Variants in LRIG1 observed in about 807,000 individuals in gnomAD.
LRIG1 encodes leucine rich repeats and immunoglobulin like domains 1.
LRIG1 carries 48 observed loss-of-function variants against 99.2 expected under a neutral mutation model. That is an observed-to-expected ratio of 0.48 (90% CI 0.38 to 0.62). LRIG1 has a LOEUF of 0.62. LRIG1 is among the 20% of genes least tolerant of loss of function. The probability of loss-of-function intolerance (pLI) is 0.00; values close to 1 mark genes in which losing one functional copy is unlikely to be tolerated. For synonymous variants in LRIG1, 772 were observed against 596.1 expected (o/e 1.29, Z -4.30); for missense variants, 1,646 against 1,434.4 (o/e 1.15, Z -2.38).
At chr3:66,429,853 C>T (rs1189198518) in intron 3 of LRIG1, among the ~76,000 whole-genome samples, 3 of 68,914 alleles carry the variant, frequency 4.4e-5, no homozygotes, top group Admixed American at 1.7e-4. Context: ...GGGAACTCTC[C>T]GTACTTTCCA....
intron 9 of LRIG1, among the ~76,000 whole-genome samples, chr3:66,403,153 C>T (rs1013760806): frequency 4.6e-5 from 7 of 152,126 alleles, no homozygotes; most frequent in Non-Finnish European, 5.9e-5. Flanking sequence ...CCAATCTCAC[C>T]TCATCTCTAC....
chr3:66,409,993 G>A (rs974893139), intron 7 of LRIG1, 136 bp downstream of exon 7: 19 of 878,208 alleles, frequency 2.2e-5, no homozygotes, highest in Non-Finnish European at 2.9e-5. Context: ...GGCCTGGCTG[G>A]TTTGGGAACA....
At chr3:66,434,902 C>T (rs1190015823) in intron 3 of LRIG1, among the ~76,000 whole-genome samples, 2 of 152,106 alleles carry the variant, frequency 1.3e-5, no homozygotes, top group Non-Finnish European at 2.9e-5. Flanking sequence ...ACATGCAACT[C>T]CCATATGACC....
chr3:66,427,157 A>C (rs1274818157), intron 3 of LRIG1, among the ~76,000 whole-genome samples: 1 of 152,254 alleles, frequency 6.6e-6, no homozygotes, highest in Non-Finnish European at 1.5e-5. Flanking sequence ...CACACCCTGC[A>C]GCACTCTGCC....
intron 1 of LRIG1, among the ~76,000 whole-genome samples, chr3:66,467,357 A>ATT (rs11360909): frequency 6.1e-4 from 61 of 99,928 alleles, no homozygotes; most frequent in African/African-American, 1.5e-3. Flanking sequence ...CACACTAGCT[A>ATT]TTTTTTTTTT....
chr3:66,413,422 A>G (rs1310831754), intron 5 of LRIG1, among the ~76,000 whole-genome samples: 1 of 152,234 alleles, frequency 6.6e-6, no homozygotes, highest in Non-Finnish European at 1.5e-5. Context: ...ACAGAAATCC[A>G]CACCACATGC....
At chr3:66,466,316 TACCGGA>T (rs1165294865) in intron 1 of LRIG1, among the ~76,000 whole-genome samples, 31 of 152,316 alleles carry the variant, frequency 2.0e-4, no homozygotes, top group African/African-American at 7.0e-4. Context: ...GTGATAGGAT[TACCGGA>T]GTAAGCCACT....
intron 2 of LRIG1, among the ~76,000 whole-genome samples, chr3:66,457,461 A>G (rs982643484): frequency 2.0e-5 from 3 of 152,146 alleles, no homozygotes; most frequent in Non-Finnish European, 4.4e-5. Flanking sequence ...CAATGGTAAG[A>G]CATTCAACCA....
chr3:66,451,261 T>C (rs1703894919), intron 3 of LRIG1, among the ~76,000 whole-genome samples: 1 of 151,706 alleles, frequency 6.6e-6, no homozygotes, highest in African/African-American at 2.4e-5. Flanking sequence ...AGTTGCAGCT[T>C]AACCAACCAC....
chr3:66,469,907 C>CAAAA lies in LRIG1; in HGVS notation c.219-7402_219-7399dup, dbSNP rs55768550. Among the ~76,000 whole-genome samples the CAAAA allele has an allele frequency of 8.4e-4, 97 of 115,740 alleles. 1 individual carries two copies. The highest frequency in any genetic ancestry group is 2.2e-3 in the African/African-American group (65 of 28,960). 75.9% of individuals were successfully genotyped at this position (115,740 alleles called of 152,430 possible). ...CAACATAGTGAGACCCTGTCCCTAC[C>CAAAA]AAAAAAAAAAAAAAAAAAAGAATAC... On this transcript the variant is annotated intron_variant, in intron 1 of 18. Transcript: ENST00000273261.
rs754898312 is a variant in LRIG1 at position 66,380,808 on chromosome 3, AG to A, written c.2823del (p.Ser942ProfsTer63). Reference protein sequence around the residue: ...CSDCNTEVDCYSRGQAFHPQP... With the variant: ...CSDCNTEVDCXSRGQAFHPQP... Reference sequence around the variant, plus strand: ...TGGGGGTGGAAGGCTTGTCCCCTGGAGTAACAGTCCACTTCGGTGTTGCAGT... The same window carrying A: ...TGGGGGTGGAAGGCTTGTCCCCTGGATAACAGTCCACTTCGGTGTTGCAGT... On this transcript the variant is annotated frameshift_variant, in exon 18 of 19. Transcript: ENST00000273261. LOFTEE classifies it high-confidence loss of function. 1.2e-6 allele frequency: 2 copies of A among 1,614,188 alleles called. No individual in the cohort carries two copies. Among genetic ancestry groups the A allele is most frequent in the South Asian group, 2.2e-5 (2 of 91,088 alleles).
At chr3:66,388,887 G>C (rs898040156) in intron 12 of LRIG1, among the ~76,000 whole-genome samples, 4 of 152,146 alleles carry the variant, frequency 2.6e-5, no homozygotes, top group Admixed American at 6.5e-5. Context: ...TGAAATGAAA[G>C]GACATCATAT....
Position 66,380,043 on chromosome 3 carries a change from C to T in LRIG1, c.*220G>A, listed in dbSNP as rs146526780. 1 of 446,540 alleles carries T rather than the reference C, an allele frequency of 2.2e-6. No homozygotes were observed. The highest frequency in any genetic ancestry group is 3.8e-5 in the Admixed American group (1 of 26,494). 27.7% of individuals were successfully genotyped at this position (446,540 alleles called of 1,614,324 possible). ...GATATATATGAAATCTCTGAAAACT[C>T]TTATGTACAATGATATCAAATACTT... On this transcript the variant is annotated 3_prime_UTR_variant, in exon 19 of 19. Coordinates refer to ENST00000273261, the MANE Select transcript of LRIG1 (RefSeq NM_015541.3).
At chr3:66,404,022 G>A (rs1476547535) in intron 9 of LRIG1, among the ~76,000 whole-genome samples, 1 of 152,178 alleles carries the variant, frequency 6.6e-6, no homozygotes. Flanking sequence ...TAAAGGCTGG[G>A]GAAAATCAGC....
chr3:66,430,256 G>GA (rs1703126188), intron 3 of LRIG1, among the ~76,000 whole-genome samples: 1 of 152,108 alleles, frequency 6.6e-6, no homozygotes, highest in South Asian at 2.1e-4. Context: ...AAAAATTTAA[G>GA]ACACAACGTG....
Position 66,458,519 on chromosome 3 carries a change from C to T in LRIG1, c.290+3919G>A, listed in dbSNP as rs150965261. Among the ~76,000 whole-genome samples the T allele has an allele frequency of 2.6e-4, 39 of 151,634 alleles. No individual in the cohort carries two copies. In the East Asian group the frequency reaches 7.0e-3, roughly 27 times the overall value. ...GACTTCGAGACCAGCCTGGCCAACA[C>T]GGCGAAATCCCATCTCTACTAAAAA... On this transcript the variant is annotated intron_variant, in intron 2 of 18. Transcript: ENST00000273261.
At chr3:66,475,441 A>G (rs1700699535) in intron 1 of LRIG1, among the ~76,000 whole-genome samples, 1 of 152,188 alleles carries the variant, frequency 6.6e-6, no homozygotes, top group South Asian at 2.1e-4. Context: ...GCACTCAGCT[A>G]TCAGATGCAA....
At chr3:66,392,906 T>A (rs954294153) in intron 12 of LRIG1, among the ~76,000 whole-genome samples, 37 of 152,300 alleles carry the variant, frequency 2.4e-4, no homozygotes, top group African/African-American at 7.9e-4. Flanking sequence ...AGCATTAGAT[T>A]CCACACAGAA....
intron 13 of LRIG1, among the ~76,000 whole-genome samples, chr3:66,384,932 C>T (rs530520533): frequency 4.6e-5 from 7 of 152,258 alleles, no homozygotes; most frequent in East Asian, 1.9e-4. Context: ...CTGAGTCTTT[C>T]GGAAGCTGTG....
Sources: gnomAD v4.1 joint callset for allele counts (sites outside exome capture counted in the v4.1 genomes callset) on GRCh38, gnomAD v4.1.1 for gene constraint, MANE v1.5 for transcripts, NCBI Gene and HGNC (gene_info 2026-07-23, HGNC 2026-07-21) for gene names.